The following KIF5A variants were observed in gnomAD, a reference collection of about 807,000 sequenced individuals.
KIF5A encodes the protein kinesin heavy chain isoform 5A.
A neutral mutation model predicts 141.3 loss-of-function variants in KIF5A; 35 were observed. The ratio of observed to expected loss-of-function variants is 0.25; its 90% CI spans 0.19 to 0.33. The LOEUF (loss-of-function observed/expected upper bound fraction) is 0.33, where lower values mean the gene tolerates loss of function less well. Ranked by LOEUF, KIF5A falls within the 10% of genes least tolerant of loss-of-function variation. The pLI is 1.00. For synonymous variants in KIF5A, 448 were observed against 500.2 expected, an observed-to-expected ratio of 0.90 and a Z score of 1.39; for missense variants, 861 against 1,314.3, an observed-to-expected ratio of 0.66 and a Z score of 5.33.
At chr12:57,568,752 A>G (rs1882149590) in intron 8 of KIF5A, among the ~76,000 whole-genome samples, 1 of 151,944 alleles carries the variant, frequency 6.6e-6, no homozygotes, top group Non-Finnish European at 1.5e-5. Flanking sequence ...ATCATGTAAT[A>G]TGTGGCAGGG....
In KIF5A at chr12:57,550,499, T is replaced by G; in HGVS notation, c.129+99T>G. On this transcript the variant is annotated intron_variant, in intron 1 of 28. Transcript: ENST00000455537. The surrounding 1 kb of genome is among the most constrained non-coding windows in gnomAD (Gnocchi z 4.6). ...TCTCTGCTGGTCCCTTTGCTCCCCC[T>G]CCCCGCCGCTCATCCTTCATCCTCT... The G allele has an allele frequency of 1.3e-5, 15 of 1,158,218 alleles. No individual in the cohort carries two copies. Among genetic ancestry groups the G allele is most frequent in the East Asian group, 2.8e-5 (1 of 35,110 alleles). The allele number at this position is 1,158,218 out of a possible 1,614,324, so 71.7% of individuals were successfully genotyped here.
chr12:57,576,244 G>T, intron 18 of KIF5A, 25 bp from the exon 19 acceptor site: 1 of 1,613,256 alleles, frequency 6.2e-7, no homozygotes, highest in South Asian at 1.1e-5. Flanking sequence ...TCTGGCCTTT[G>T]AGCTTGGGGT....
chr12:57,578,687 A>T (rs552443139), intron 23 of KIF5A, among the ~76,000 whole-genome samples: 1 of 152,286 alleles, frequency 6.6e-6, no homozygotes, highest in South Asian at 2.1e-4. Context: ...AGGCAGGGAG[A>T]TGAGAAGAAG....
At position 57,581,467 on chromosome 12, in the gene KIF5A, T is replaced by C. The variant is rs1201133645; in HGVS notation, c.2808T>C (p.Tyr936=). The C allele has an allele frequency of 7.4e-6, 12 of 1,613,924 alleles. No homozygotes were observed. The highest frequency in any genetic ancestry group is 1.0e-5 in the Non-Finnish European group (12 of 1,179,998). The change falls in exon 25 of 29, where the codon TAT becomes TAC. Residue 936 remains tyrosine (Y), a synonymous_variant. Coordinates refer to ENST00000455537, the MANE Select transcript of KIF5A (RefSeq NM_004984.4). ...HYPASSPTNP[Y]GTRSPECISY... The stretch of plus-strand genomic sequence containing the variant: ...CAGCATCCTCACCCACCAACCCCTA[T>C]GGCACCCGGAGCCCTGAGTGCATCA...
intron 5 of KIF5A, 102 bp from the exon 6 acceptor site, chr12:57,564,816 C>T (rs751150606): frequency 1.2e-5 from 14 of 1,130,046 alleles, no homozygotes; most frequent in East Asian, 2.4e-5. Context: ...GGAGAGTCTT[C>T]CTTTAGCACA....
intron 15 of KIF5A, among the ~76,000 whole-genome samples, chr12:57,573,149 C>T (rs1481270933): frequency 6.6e-6 from 1 of 152,152 alleles, no homozygotes; most frequent in Non-Finnish European, 1.5e-5. Flanking sequence ...TGAGATCACA[C>T]CACTGCACTC....
chr12:57,550,469 C>A lies in KIF5A; in HGVS notation c.129+69C>A. The A allele has an allele frequency of 3.2e-6, 5 of 1,549,470 alleles. No individual in the cohort carries two copies. The highest frequency in any genetic ancestry group is 4.4e-6 in the Non-Finnish European group (5 of 1,125,678). Reference sequence around the variant, plus strand: ...TGAATCTCCCCGCCCCCCGCAGAGCCTTAGTCTCTGCTGGTCCCTTTGCTC... The same window carrying A: ...TGAATCTCCCCGCCCCCCGCAGAGCATTAGTCTCTGCTGGTCCCTTTGCTC... On this transcript the variant is annotated intron_variant, in intron 1 of 28. Transcript: ENST00000455537. This position sits in a 1 kb window ranked among gnomAD's most constrained non-coding sequence, Gnocchi z 4.6.
intron 1 of KIF5A, among the ~76,000 whole-genome samples, chr12:57,554,677 A>C (rs917077124): frequency 6.6e-6 from 1 of 152,248 alleles, no homozygotes; most frequent in African/African-American, 2.4e-5. Flanking sequence ...TGCAGGCTGT[A>C]CAAGAAGCAT....
In KIF5A at chr12:57,578,265, G is replaced by A. The variant is rs751295549; in HGVS notation, c.2461G>A (p.Gly821Arg). The stretch of plus-strand genomic sequence containing the variant: ...TGCAGAAATGGAGCCCGAAGACAGT[G>A]GGGGGATTCACTCCCAAAAGCAGAA... ...KSAEMEPEDSGGIHSQKQKIS... is the reference protein window; with the variant it reads ...KSAEMEPEDSRGIHSQKQKIS... The change falls in exon 23 of 29, where the codon GGG becomes AGG. Residue 821 changes from glycine (G) to arginine (R), a missense_variant. Transcript: ENST00000455537. The A allele has an allele frequency of 1.2e-6, 2 of 1,613,602 alleles. No individual in the cohort carries two copies. The highest frequency in any genetic ancestry group is 2.7e-5 in the African/African-American group (2 of 74,892).
At chr12:57,574,566 C>T (rs1428094406) in intron 15 of KIF5A, among the ~76,000 whole-genome samples, 1 of 146,524 alleles carries the variant, frequency 6.8e-6, no homozygotes, top group African/African-American at 2.5e-5. Context: ...GCCACCGAGC[C>T]CGGCCCAGAA....
At chr12:57,562,741 C>T (rs187434125) in intron 1 of KIF5A, among the ~76,000 whole-genome samples, 47 of 152,208 alleles carry the variant, frequency 3.1e-4, no homozygotes, top group Admixed American at 2.7e-3. Flanking sequence ...TATCAGGGTA[C>T]GTGGATCTGT....
chr12:57,562,433 C>T (rs1362708235), intron 1 of KIF5A, among the ~76,000 whole-genome samples: 1 of 152,208 alleles, frequency 6.6e-6, no homozygotes, highest in Non-Finnish European at 1.5e-5. Flanking sequence ...CCAGGCTGGT[C>T]TCGAACTCCT....
chr12:57,571,518 CA>C (rs981211559), intron 13 of KIF5A, 129 bp downstream of exon 13: 2 of 852,940 alleles, frequency 2.3e-6, no homozygotes, highest in Non-Finnish European at 3.8e-6. Context: ...CTCCCCTAAA[CA>C]GCAGAAGTCT....
chr12:57,569,801 T>C, intron 11 of KIF5A, 118 bp downstream of exon 11: 1 of 1,497,668 alleles, frequency 6.7e-7, no homozygotes, highest in Admixed American at 2.0e-5. Flanking sequence ...GGGGCTGTGT[T>C]TCTGGACAGG....
intron 23 of KIF5A, among the ~76,000 whole-genome samples, chr12:57,579,236 C>G (rs933332125): frequency 2.0e-5 from 3 of 152,038 alleles, no homozygotes; most frequent in Non-Finnish European, 4.4e-5. Context: ...AAGGGCAGTC[C>G]AAAGGAGTCA....
intron 21 of KIF5A, 112 bp from the exon 22 acceptor site, chr12:57,577,896 TC>T: frequency 8.0e-7 from 1 of 1,247,596 alleles, no homozygotes; most frequent in Non-Finnish European, 1.2e-6. Flanking sequence ...ACACATTTTT[TC>T]CTAAAGGATA....
intron 1 of KIF5A, among the ~76,000 whole-genome samples, chr12:57,556,746 T>C (rs984988103): frequency 1.1e-4 from 16 of 151,996 alleles, no homozygotes; most frequent in African/African-American, 3.9e-4. Flanking sequence ...TAATCCCCTT[T>C]GGCTGGGTGC....
intron 1 of KIF5A, among the ~76,000 whole-genome samples, chr12:57,553,899 C>T (rs944042258): frequency 1.3e-5 from 2 of 152,070 alleles, no homozygotes; most frequent in Non-Finnish European, 2.9e-5. Flanking sequence ...ATTTCGGCGA[C>T]ATTTCTAAGA....
intron 1 of KIF5A, among the ~76,000 whole-genome samples, chr12:57,552,583 C>G (rs1437501329): frequency 6.6e-6 from 1 of 152,164 alleles, no homozygotes; most frequent in African/African-American, 2.4e-5. Flanking sequence ...CTTTTTCAGA[C>G]TTAATATTCA....
Sources: allele counts gnomAD v4.1 joint callset (sites outside exome capture counted in the v4.1 genomes callset), GRCh38; gene constraint gnomAD v4.1.1; non-coding constraint Gnocchi (gnomAD v3.1); transcripts MANE v1.5; gene names NCBI Gene and HGNC (gene_info 2026-07-23, HGNC 2026-07-21).